The following RPH3AL variants were observed in gnomAD, a reference collection of about 807,000 sequenced individuals.
The protein encoded by RPH3AL is rabphilin 3A like (without C2 domains).
Under a neutral mutation model 43.1 loss-of-function variants are expected in RPH3AL, and 38 were observed. The ratio of observed to expected loss-of-function variants is 0.88; its 90% CI spans 0.68 to 1.15. The LOEUF is 1.15. RPH3AL is among the 50% of genes most tolerant of loss of function. The pLI, the probability that RPH3AL is intolerant of heterozygous loss-of-function variation, is 0.00. For synonymous variants in RPH3AL, 189 were observed against 176.3 expected, an observed-to-expected ratio of 1.07 and a Z score of -0.57; for missense variants, 462 against 423.2, an observed-to-expected ratio of 1.09 and a Z score of -0.81.
At chr17:351,072 G>A (rs902956259) in intron 1 of RPH3AL, among the ~76,000 whole-genome samples, 1 of 152,056 alleles carries the variant, frequency 6.6e-6, no homozygotes, top group Non-Finnish European at 1.5e-5. Context: ...CTGTACCCCT[G>A]CCCATCACCC....
chr17:336,971 G>A lies in RPH3AL; in HGVS notation c.-212-3037C>T, dbSNP rs560268395. On this transcript the variant is annotated intron_variant, in intron 1 of 9. Transcript: ENST00000331302. ...TTCGGCTTGAGCCCACCGCCCTCCC[G>A]TCAGCATTTCATTCCGCCCGCATCC... is the stretch of plus-strand genomic sequence containing the variant. Among the ~76,000 whole-genome samples the A allele has an allele frequency of 9.9e-4, 151 of 152,192 alleles. 2 individuals are homozygous for A. The highest frequency in any genetic ancestry group is 3.3e-3 in the African/African-American group (137 of 41,516).
Position 212,769 on chromosome 17 carries a change from G to C in RPH3AL, c.*1083C>G, listed in dbSNP as rs2040706103. On this transcript the variant is annotated 3_prime_UTR_variant, in exon 10 of 10. Transcript: ENST00000331302. The stretch of plus-strand genomic sequence containing the variant: ...AGCATTTGCCCATACTCTGAATGAA[G>C]TATTTTCATGCCAAGCCAAACCTCC... The C allele has an allele frequency of 6.6e-6, 1 of 152,064 alleles. No individual in the cohort carries two copies. Among genetic ancestry groups the C allele is most frequent in the Admixed American group, 6.6e-5 (1 of 15,264 alleles). 9.4% of individuals were successfully genotyped at this position (152,064 alleles called of 1,614,324 possible). A position where few individuals can be genotyped will look rare whatever the true frequency, so the allele number is the denominator to read the frequency against.
intron 5 of RPH3AL, among the ~76,000 whole-genome samples, chr17:298,010 C>T (rs1319155262): frequency 2.0e-5 from 3 of 152,194 alleles, no homozygotes; most frequent in Non-Finnish European, 4.4e-5. Flanking sequence ...GCCAAGCCCA[C>T]CACGCCAGCC....
intron 7 of RPH3AL, among the ~76,000 whole-genome samples, chr17:237,457 G>A (rs1009057902): frequency 2.6e-5 from 4 of 152,196 alleles, no homozygotes; most frequent in African/African-American, 7.2e-5. Context: ...GGTGGAAGGC[G>A]GCAGGATTCC....
At chr17:342,458 T>C (rs921739614) in intron 1 of RPH3AL, among the ~76,000 whole-genome samples, 1 of 152,196 alleles carries the variant, frequency 6.6e-6, no homozygotes, top group Admixed American at 6.5e-5. Context: ...ACAACTCAAA[T>C]GTCCATCAAC....
chr17:324,681 T>TTCTATCTAGCTATCTA (rs1555525129), intron 3 of RPH3AL, among the ~76,000 whole-genome samples: 8 of 130,054 alleles, frequency 6.2e-5, no homozygotes, highest in Admixed American at 2.9e-4. Flanking sequence ...CTTTCTATCT[T>TTCTATCTAGCTATCTA]TCTATCTATC....
At chr17:226,640 C>G (rs74887147) in intron 7 of RPH3AL, among the ~76,000 whole-genome samples, 1 of 152,208 alleles carries the variant, frequency 6.6e-6, no homozygotes, top group Non-Finnish European at 1.5e-5. Context: ...ACGGTGTCCC[C>G]AAATGTTCCT....
At chr17:318,489 T>C (rs1394585435) in intron 5 of RPH3AL, among the ~76,000 whole-genome samples, 1 of 152,084 alleles carries the variant, frequency 6.6e-6, no homozygotes, top group Non-Finnish European at 1.5e-5. Context: ...TTGAGATCAG[T>C]GTTTCTCACC....
rs138980388 is a variant in RPH3AL at position 290,444 on chromosome 17, C to T, written c.352-8590G>A. Reference sequence around the variant, plus strand: ...CATTCCCATGACGGCTCCTGCCTGCCTCCCCCGGGGTGCGTGCCGCGGCCG... The same window carrying T: ...CATTCCCATGACGGCTCCTGCCTGCTTCCCCCGGGGTGCGTGCCGCGGCCG... On this transcript the variant is annotated intron_variant, in intron 5 of 9. Transcript: ENST00000331302. This position sits in a 1 kb window ranked among gnomAD's most constrained non-coding sequence, Gnocchi z 4.2. Among the ~76,000 whole-genome samples, 1 of 152,156 alleles carries T rather than the reference C, an allele frequency of 6.6e-6. No individual in the cohort carries two copies.
rs116006148 is a variant in RPH3AL, at chr17:294,369, G to C, written c.352-12515C>G. Among the ~76,000 whole-genome samples the C allele has an allele frequency of 8.2e-3, 1,252 of 152,206 alleles. 7 individuals carry two copies. The highest frequency in any genetic ancestry group is 0.028 in the African/African-American group (1,157 of 41,512). On this transcript the variant is annotated intron_variant, in intron 5 of 9. Coordinates refer to ENST00000331302, the MANE Select transcript of RPH3AL (RefSeq NM_006987.4). ...GCAGTCACAGCTACTTGGAAGAATCGTTTGAGCTCAGAAGGTCGAGGCTGC... is the reference window on the plus strand; with the variant it reads ...GCAGTCACAGCTACTTGGAAGAATCCTTTGAGCTCAGAAGGTCGAGGCTGC...
At chr17:312,173 C>A (rs953705556) in intron 5 of RPH3AL, among the ~76,000 whole-genome samples, 5 of 152,124 alleles carry the variant, frequency 3.3e-5, no homozygotes, top group African/African-American at 9.7e-5. Context: ...TGGTGGCACA[C>A]ATCTGTAGTC....
chr17:333,343 A>T lies in RPH3AL; in HGVS notation c.-37+416T>A. The T allele has an allele frequency of 1.6e-6, 2 of 1,249,566 alleles. No individual in the cohort carries two copies. The highest frequency in any genetic ancestry group is 2.5e-5 in the South Asian group (2 of 80,152). The allele number at this position is 1,249,566 out of a possible 1,614,324, so 77.4% of individuals were successfully genotyped here. A position where few individuals can be genotyped will look rare whatever the true frequency, so the allele number is the denominator to read the frequency against. ...AAGAGAAAACACCTTAAATTCTCAC[A>T]TCAGCCACCCCCATGGCGACTCTTA... On this transcript the variant is annotated intron_variant, in intron 2 of 9. Coordinates refer to ENST00000331302, the MANE Select transcript of RPH3AL (RefSeq NM_006987.4). This position sits in a 1 kb window ranked among gnomAD's most constrained non-coding sequence, Gnocchi z 4.5.
intron 6 of RPH3AL, among the ~76,000 whole-genome samples, chr17:253,301 G>A (rs1216057920): frequency 2.0e-5 from 3 of 152,266 alleles, no homozygotes; most frequent in African/African-American, 7.2e-5. Context: ...GATGCTCAGG[G>A]TGACTTGGCA....
At chr17:247,332 C>G (rs766861273) in intron 6 of RPH3AL, 47 bp from the exon 7 acceptor site, 14 of 1,501,042 alleles carry the variant, frequency 9.3e-6, no homozygotes, top group Non-Finnish European at 1.2e-5. Context: ...GCAGAGGAGC[C>G]TCCCCTCCTG....
At position 275,334 on chromosome 17, in the gene RPH3AL, GTGATGGGAA is replaced by G. The variant is rs370998092; in HGVS notation, c.438+6425_438+6433del. On this transcript the variant is annotated intron_variant, in intron 6 of 9. Coordinates refer to ENST00000331302, the MANE Select transcript of RPH3AL (RefSeq NM_006987.4). ...TTTTTACAATGGGATATAGACCACA[GTGATGGGAA>G]TGAATACAGCTACACACATCAACAT... Among the ~76,000 whole-genome samples, 61 of 152,076 alleles carry G rather than the reference GTGATGGGAA, an allele frequency of 4.0e-4. 2 individuals carry two copies. Among genetic ancestry groups the G allele is most frequent in the African/African-American group, 1.5e-3 (61 of 41,464 alleles).
intron 1 of RPH3AL, among the ~76,000 whole-genome samples, chr17:350,330 A>G (rs1465662160): frequency 1.3e-5 from 2 of 152,086 alleles, no homozygotes; most frequent in African/African-American, 2.4e-5. Flanking sequence ...TACAAAAATT[A>G]TCTGGACGTG....
At chr17:278,268 C>T (rs2042702243) in intron 6 of RPH3AL, among the ~76,000 whole-genome samples, 1 of 152,176 alleles carries the variant, frequency 6.6e-6, no homozygotes, top group South Asian at 2.1e-4. Context: ...TGCCTGCCGC[C>T]ATGTAAGACG....
At chr17:329,447 G>C (rs1317065967) in intron 2 of RPH3AL, among the ~76,000 whole-genome samples, 2 of 152,190 alleles carry the variant, frequency 1.3e-5, no homozygotes, top group East Asian at 3.8e-4. Context: ...TTGCACTCCA[G>C]CCTGGGCAAA....
At chr17:349,434 A>C (rs1330086343) in intron 1 of RPH3AL, 1 of 151,836 alleles carries the variant, frequency 6.6e-6, no homozygotes, top group Non-Finnish European at 1.5e-5. Context: ...CCCAACATCC[A>C]GGGGCCAGGA....
Sources: gnomAD v4.1 joint callset for allele counts (sites outside exome capture counted in the v4.1 genomes callset) on GRCh38, gnomAD v4.1.1 for gene constraint, Gnocchi (gnomAD v3.1) non-coding constraint, MANE v1.5 for transcripts, NCBI Gene and HGNC (gene_info 2026-07-23, HGNC 2026-07-21) for gene names.